ANGPTL1: variants seen among roughly 807,000 people sequenced by gnomAD.
ANGPTL1 encodes the protein angiopoietin-related protein 1.
In ANGPTL1, 36 loss-of-function variants were observed where a neutral mutation model predicts 46.7. That is an observed-to-expected ratio of 0.77 (90% CI 0.59 to 1.02). The LOEUF (loss-of-function observed/expected upper bound fraction) is 1.02. Ranked by LOEUF, ANGPTL1 falls within the 50% of genes least tolerant of loss-of-function variation. The probability of loss-of-function intolerance (pLI) is 0.00; values close to 1 mark genes in which losing one functional copy is unlikely to be tolerated. For synonymous variants in ANGPTL1, 221 were observed against 204.3 expected (o/e 1.08, Z -0.69); for missense variants, 571 against 594.7 (o/e 0.96, Z 0.41).
intron 3 of ANGPTL1, among the ~76,000 whole-genome samples, chr1:178,854,158 G>A (rs964067273): frequency 3.3e-5 from 5 of 151,994 alleles, no homozygotes; most frequent in Admixed American, 1.3e-4. Context: ...GAGGTTTTAT[G>A]GATTTTTGCT....
Position 178,852,968 on chromosome 1 carries a change from A to G in ANGPTL1, c.1018-15T>C, listed in dbSNP as rs150839113. The stretch of plus-strand genomic sequence containing the variant: ...CCAAACCCTTTCTGTTAATAAGTGA[A>G]GAAACATGAGTGCATAAATAAGTAT... On this transcript the variant is annotated splice_polypyrimidine_tract_variant and intron_variant, in intron 4 of 5. Coordinates refer to ENST00000234816, the MANE Select transcript of ANGPTL1 (RefSeq NM_004673.4). 2.9e-4 allele frequency: 455 copies of G among 1,595,412 alleles called. 1 individual carries two copies. The Middle Eastern group carries it at 4.9e-3, about 17-fold the overall frequency.
At chr1:178,860,163 T>TA (rs1190453587) in intron 3 of ANGPTL1, among the ~76,000 whole-genome samples, 1 of 151,718 alleles carries the variant, frequency 6.6e-6, no homozygotes, top group Non-Finnish European at 1.5e-5. Flanking sequence ...TTTTTATAAA[T>TA]ACGCTATTTG....
Position 178,865,165 on chromosome 1 carries a change from A to G in ANGPTL1, c.612T>C (p.Phe204=). The G allele has an allele frequency of 1.2e-6, 2 of 1,609,126 alleles. No homozygotes were observed. Among genetic ancestry groups the G allele is most frequent in the Non-Finnish European group, 1.7e-6 (2 of 1,176,596 alleles). The change falls in exon 3 of 6, where the codon TTT becomes TTC. Residue 204 remains phenylalanine, a synonymous_variant. Transcript: ENST00000234816. ...TLLEEQCLRI[F]SRQDTHVSPP... is the part of the protein sequence containing the mutation. ...GAGACACATGGGTGTCTTGTCGGGA[A>G]AATATCCTCAAGCACTGTTCTTCCA...
chr1:178,863,103 T>C (rs1403884982), intron 3 of ANGPTL1, among the ~76,000 whole-genome samples: 2 of 152,214 alleles, frequency 1.3e-5, no homozygotes, highest in African/African-American at 4.8e-5. Flanking sequence ...ACACAGCTGG[T>C]AGCCTATGGA....
chr1:178,852,565 G>A (rs1657244816), intron 5 of ANGPTL1, 118 bp downstream of exon 5: 2 of 1,067,740 alleles, frequency 1.9e-6, no homozygotes, highest in African/African-American at 1.6e-5. Flanking sequence ...TGTATTTCCT[G>A]CCACAGTGAC....
In ANGPTL1 at chr1:178,852,577, A is replaced by T. The variant is rs905680530; in HGVS notation, c.1288+106T>A. 10 of 1,284,042 alleles carry T rather than the reference A, an allele frequency of 7.8e-6. No individual in the cohort carries two copies. In the African/African-American group the frequency reaches 1.5e-4, roughly 19 times the overall value. The allele number at this position is 1,284,042 out of a possible 1,614,324, so 79.5% of individuals were successfully genotyped here. On this transcript the variant is annotated intron_variant, in intron 5 of 5. Coordinates refer to ENST00000234816, the MANE Select transcript of ANGPTL1 (RefSeq NM_004673.4). The stretch of plus-strand genomic sequence containing the variant: ...GGTTGTATTTCCTGCCACAGTGACC[A>T]AAACTGACCTTTTTGAAAAGACTTT...
At position 178,851,109 on chromosome 1, in the gene ANGPTL1, A is replaced by T; in HGVS notation, c.*20T>A. The T allele has an allele frequency of 6.2e-7, 1 of 1,604,982 alleles. No homozygotes were observed. The highest frequency in any genetic ancestry group is 2.2e-5 in the East Asian group (1 of 44,762). On this transcript the variant is annotated 3_prime_UTR_variant, in exon 6 of 6. Transcript: ENST00000234816. The stretch of plus-strand genomic sequence containing the variant: ...AAAAGTACAAAGTTCTGTGTCATTT[A>T]AATTGGCGAGTGTCTCTCTTCAGTC...
chr1:178,862,162 C>T (rs112933082), intron 3 of ANGPTL1, among the ~76,000 whole-genome samples: 3,726 of 152,134 alleles, frequency 0.024, 146 homozygotes, highest in African/African-American at 0.085. Context: ...CATGAGCCAC[C>T]ATGCCCGGCG....
At chr1:178,862,379 A>G (rs1658085886) in intron 3 of ANGPTL1, among the ~76,000 whole-genome samples, 1 of 152,138 alleles carries the variant, frequency 6.6e-6, no homozygotes, top group African/African-American at 2.4e-5. Flanking sequence ...TGCAGGTAAG[A>G]CACTGTAACC....
intron 3 of ANGPTL1, among the ~76,000 whole-genome samples, chr1:178,855,000 CT>C (rs1204552053): frequency 4.6e-5 from 7 of 151,946 alleles, no homozygotes; most frequent in Non-Finnish European, 7.4e-5. Context: ...CCCTAAAGAT[CT>C]CTTAGAACAA....
At chr1:178,864,765 C>T (rs986595018) in intron 3 of ANGPTL1, among the ~76,000 whole-genome samples, 189 bp downstream of exon 3, 3 of 151,892 alleles carry the variant, frequency 2.0e-5, no homozygotes, top group Non-Finnish European at 4.4e-5. Flanking sequence ...TTTATAAACT[C>T]CTGGAACTTC....
In ANGPTL1 at chr1:178,851,236, C is replaced by T; in HGVS notation, c.1369G>A (p.Gly457Arg). 6.2e-7 allele frequency: 1 copy of T among 1,613,980 alleles called. No homozygotes were observed. The highest frequency in any genetic ancestry group is 1.1e-5 in the South Asian group (1 of 91,054). ...TGGTGCTTGCTTCTGTAATGGCCTC[C>T]TCTGTACCATACTCCATTTAGGTTA... Reference protein sequence around the residue: ...HSNLNGVWYRGGHYRSKHQDG... With the variant: ...HSNLNGVWYRRGHYRSKHQDG... Residue 457 changes from glycine (G) to arginine (R), a missense_variant, in exon 6 of 6, where the codon GGA becomes AGA. Physicochemically the swap from Gly to Arg is moderately radical, Grantham distance 125. Coordinates refer to ENST00000234816, the MANE Select transcript of ANGPTL1 (RefSeq NM_004673.4).
intron 3 of ANGPTL1, among the ~76,000 whole-genome samples, chr1:178,856,260 G>A (rs1361257920): frequency 7.2e-6 from 1 of 139,100 alleles, no homozygotes; most frequent in Non-Finnish European, 1.5e-5. Context: ...TTTTTTTGGA[G>A]CCTGTTTCCC....
chr1:178,855,261 T>A (rs1657452482), intron 3 of ANGPTL1, among the ~76,000 whole-genome samples: 1 of 151,614 alleles, frequency 6.6e-6, no homozygotes, highest in African/African-American at 2.4e-5. Context: ...GAGACTATGA[T>A]CTCTTCCTTG....
Position 178,849,602 on chromosome 1 carries a change from T to C in ANGPTL1, c.*1527A>G, listed in dbSNP as rs142086019. 2 of 152,078 alleles carry C rather than the reference T, an allele frequency of 1.3e-5. No homozygotes were observed. The highest frequency in any genetic ancestry group is 4.8e-5 in the African/African-American group (2 of 41,398). 9.4% of individuals were successfully genotyped at this position (152,078 alleles called of 1,614,324 possible). A position where few individuals can be genotyped will look rare whatever the true frequency, so the allele number is the denominator to read the frequency against. On this transcript the variant is annotated 3_prime_UTR_variant, in exon 6 of 6. Coordinates refer to ENST00000234816, the MANE Select transcript of ANGPTL1 (RefSeq NM_004673.4). ...GTGTAACAGTTAGATGCCCAGTTCC[T>C]TCCAGGAATCTTATAACAGATTCTT...
chr1:178,858,253 C>T (rs1426688713), intron 3 of ANGPTL1, among the ~76,000 whole-genome samples: 2 of 152,050 alleles, frequency 1.3e-5, no homozygotes, highest in African/African-American at 4.8e-5. Flanking sequence ...GAAATATTTT[C>T]TCATTATTAC....
rs983671819 is a variant in ANGPTL1, at chr1:178,850,201, T to G, written c.*928A>C. 1 of 152,658 alleles carries G rather than the reference T, an allele frequency of 6.6e-6. No individual in the cohort carries two copies. Among genetic ancestry groups the G allele is most frequent in the Non-Finnish European group, 1.5e-5 (1 of 68,038 alleles). 9.5% of individuals were successfully genotyped at this position (152,658 alleles called of 1,614,324 possible). On this transcript the variant is annotated 3_prime_UTR_variant, in exon 6 of 6. Transcript: ENST00000234816. ...ACCTGTTCTGAGCATGCACTAATAC[T>G]TGTAAAGCTGTCCAAACTTTCTGAT...
At chr1:178,862,578 G>A (rs1357351011) in intron 3 of ANGPTL1, among the ~76,000 whole-genome samples, 1 of 150,634 alleles carries the variant, frequency 6.6e-6, no homozygotes, top group Non-Finnish European at 1.5e-5. Context: ...GGGCCTCAAG[G>A]AGGAGTTGCA....
In ANGPTL1 at chr1:178,851,307, G is replaced by A. The variant is rs2102291183; in HGVS notation, c.1298C>T (p.Ala433Val). The change falls in exon 6 of 6, where the codon GCC becomes GTC. Residue 433 changes from alanine to valine, a missense_variant. Physicochemically the swap from Ala to Val is moderately conservative, Grantham distance 64. Coordinates refer to ENST00000234816, the MANE Select transcript of ANGPTL1 (RefSeq NM_004673.4). The part of the protein sequence containing the change: ...RDKDMYAGNC[A>V]HFHKGGWWYN... The stretch of plus-strand genomic sequence containing the variant: ...CCACCAGCCTCCTTTATGAAAGTGG[G>A]CGCAGTTTCCTTTGAGGAAAAAATA... 1 of 1,607,518 alleles carries A rather than the reference G, an allele frequency of 6.2e-7. No homozygotes were observed. The highest frequency in any genetic ancestry group is 1.1e-5 in the South Asian group (1 of 89,402).
Sources: gnomAD v4.1 joint callset for allele counts (sites outside exome capture counted in the v4.1 genomes callset) on GRCh38, gnomAD v4.1.1 for gene constraint, MANE v1.5 for transcripts, NCBI Gene and HGNC (gene_info 2026-07-23, HGNC 2026-07-21) for gene names.